The following FNBP1L variants were observed in gnomAD, a reference collection of about 807,000 sequenced individuals.
FNBP1L encodes formin binding protein 1 like.
A neutral mutation model predicts 91.2 loss-of-function variants in FNBP1L; 36 were observed. That is an observed-to-expected ratio of 0.39 (90% confidence interval 0.30 to 0.52). The LOEUF (loss-of-function observed/expected upper bound fraction) is 0.52, where lower values mean the gene tolerates loss of function less well. Among genes scored for constraint, FNBP1L ranks in the 20% least tolerant of loss-of-function variants. FNBP1L has a pLI of 0.66. For synonymous variants in FNBP1L, 242 were observed against 237.0 expected, an observed-to-expected ratio of 1.02 and a Z score of -0.19; for missense variants, 571 against 732.1, an observed-to-expected ratio of 0.78 and a Z score of 2.54.
At chr1:93,550,289 A>C (rs1312188469) in intron 15 of FNBP1L, among the ~76,000 whole-genome samples, 1 of 152,188 alleles carries the variant, frequency 6.6e-6, no homozygotes, top group African/African-American at 2.4e-5. Context: ...TTCGAATCCA[A>C]CCTGGGCAGT....
intron 2 of FNBP1L, among the ~76,000 whole-genome samples, chr1:93,509,776 G>C (rs1461779775): frequency 6.6e-6 from 1 of 152,198 alleles, no homozygotes; most frequent in Non-Finnish European, 1.5e-5. Flanking sequence ...AGCCCTGCTT[G>C]GGCGAGGCAT....
chr1:93,501,651 GT>G (rs534532056), intron 2 of FNBP1L, among the ~76,000 whole-genome samples: 264 of 152,170 alleles, frequency 1.7e-3, no homozygotes, highest in Middle Eastern at 3.4e-3. Context: ...TTCAACATGA[GT>G]TTTGGTTGGG....
intron 5 of FNBP1L, among the ~76,000 whole-genome samples, chr1:93,528,508 A>G (rs1671564915): frequency 6.6e-6 from 1 of 152,232 alleles, no homozygotes; most frequent in African/African-American, 2.4e-5. Context: ...ATTTTTAGCC[A>G]TGGAGATTCA....
chr1:93,509,983 T>A (rs559906589), intron 2 of FNBP1L, among the ~76,000 whole-genome samples: 1 of 152,320 alleles, frequency 6.6e-6, no homozygotes, highest in East Asian at 1.9e-4. Flanking sequence ...TCTTGCTGAT[T>A]GCTAGCACAG....
Position 93,521,075 on chromosome 1 carries a change from A to G in FNBP1L, c.141-1007A>G, listed in dbSNP as rs557526274. Among the ~76,000 whole-genome samples the G allele has an allele frequency of 2.4e-4, 36 of 151,902 alleles. 3 individuals carry two copies. The East Asian group carries it at 2.7e-3, about 11-fold the overall frequency. On this transcript the variant is annotated intron_variant, in intron 2 of 16. Coordinates refer to ENST00000271234, the MANE Select transcript of FNBP1L (RefSeq NM_001164473.3). The stretch of plus-strand genomic sequence containing the variant: ...AACCAACCAACCAACCAACCAACCA[A>G]CCAACCAACAAACCAGCCAACCAGG...
Position 93,534,802 on chromosome 1 carries a change from C to G in FNBP1L, c.884C>G (p.Ser295Cys), listed in dbSNP as rs1363319897. ...AGTCAACATATATATAGAACCATTT[C>G]TGATGGGACTATCAGTGCATCCAAA... Reference protein sequence around the residue: ...DYSQHIYRTISDGTISASKQE... With the variant: ...DYSQHIYRTICDGTISASKQE... Residue 295 changes from serine to cysteine, a missense_variant, in exon 9 of 17, where the codon TCT becomes TGT. By Grantham distance (112) the Ser-to-Cys change is moderately radical (BLOSUM62 -1). This residue lies in a region of FNBP1L where 150 missense variants were observed against 155.9 expected (regional missense o/e 0.96). Transcript: ENST00000271234. 6.4e-7 allele frequency: 1 copy of G among 1,572,388 alleles called. No individual in the cohort carries two copies. The highest frequency in any genetic ancestry group is 8.6e-7 in the Non-Finnish European group (1 of 1,157,218).
At chr1:93,452,314 G>C (rs376380262) in intron 1 of FNBP1L, among the ~76,000 whole-genome samples, 11 of 152,204 alleles carry the variant, frequency 7.2e-5, no homozygotes, top group African/African-American at 2.2e-4. Flanking sequence ...TTTGTAGATG[G>C]TGATAGGTTA....
intron 15 of FNBP1L, 81 bp downstream of exon 15, chr1:93,549,507 C>A: frequency 1.8e-6 from 2 of 1,092,290 alleles, no homozygotes; most frequent in Non-Finnish European, 1.3e-6. Context: ...CTGTAGTATC[C>A]TTATTTAAGT....
intron 1 of FNBP1L, among the ~76,000 whole-genome samples, chr1:93,475,253 T>A (rs1281438038): frequency 1.3e-5 from 2 of 151,996 alleles, no homozygotes; most frequent in African/African-American, 4.8e-5. Context: ...TAATAAAAAA[T>A]TTTATTATTT....
Position 93,536,384 on chromosome 1 carries a change from A to G in FNBP1L, c.1043A>G (p.Asn348Ser). The G allele has an allele frequency of 6.4e-7, 1 of 1,550,778 alleles. No individual in the cohort carries two copies. Among genetic ancestry groups the G allele is most frequent in the Non-Finnish European group, 8.7e-7 (1 of 1,146,338 alleles). Reference protein sequence around the residue: ...PTSLFTSSTPNGSQFLTFSIE... With the variant: ...PTSLFTSSTPSGSQFLTFSIE... ...AGTTTATTCACATCCAGTACTCCTA[A>G]TGGGTCCCAGTTTCTCACATTCTCC... The change falls in exon 10 of 17, where the codon AAT (asparagine) becomes AGT (serine). Residue 348 changes from asparagine (N) to serine (S), a missense_variant. By Grantham distance (46) the Asn-to-Ser change is conservative. This residue lies in a region of FNBP1L where 150 missense variants were observed against 155.9 expected (regional missense o/e 0.96). Coordinates refer to ENST00000271234, the MANE Select transcript of FNBP1L (RefSeq NM_001164473.3).
intron 1 of FNBP1L, among the ~76,000 whole-genome samples, chr1:93,458,601 C>T (rs1050908650): frequency 4.6e-5 from 7 of 152,144 alleles, no homozygotes; most frequent in African/African-American, 1.7e-4. Context: ...ACACAGGCAA[C>T]AAAAGCAAAA....
chr1:93,456,572 C>G (rs1181263323), intron 1 of FNBP1L, among the ~76,000 whole-genome samples: 1 of 141,486 alleles, frequency 7.1e-6, no homozygotes, highest in Non-Finnish European at 1.5e-5. Context: ...AGAAACCAGC[C>G]TGGGCAAGAT....
At chr1:93,476,741 A>G (rs1419625953) in intron 1 of FNBP1L, among the ~76,000 whole-genome samples, 4 of 152,076 alleles carry the variant, frequency 2.6e-5, no homozygotes, top group Non-Finnish European at 5.9e-5. Flanking sequence ...AGCATGTGCA[A>G]ATACTCTTAA....
intron 2 of FNBP1L, among the ~76,000 whole-genome samples, chr1:93,508,043 G>C (rs1169278814): frequency 6.6e-6 from 1 of 151,404 alleles, no homozygotes; most frequent in Non-Finnish European, 1.5e-5. Flanking sequence ...TGAGAAGTGA[G>C]TACTATTAAT....
At chr1:93,521,840 GT>G (rs1428578784) in intron 2 of FNBP1L, among the ~76,000 whole-genome samples, 1 of 152,072 alleles carries the variant, frequency 6.6e-6, no homozygotes, top group East Asian at 1.9e-4. Flanking sequence ...CAACCAAATT[GT>G]TGTGATTCCA....
At chr1:93,543,924 T>C in intron 11 of FNBP1L, 183 bp from the exon 12 acceptor site, 3 of 365,014 alleles carry the variant, frequency 8.2e-6, no homozygotes, top group Non-Finnish European at 1.0e-5. Flanking sequence ...GTACATTGTT[T>C]TCATTAACAT....
chr1:93,534,991 A>G, intron 9 of FNBP1L, 83 bp downstream of exon 9: 2 of 1,063,070 alleles, frequency 1.9e-6, no homozygotes, highest in East Asian at 2.6e-5. Context: ...AAAATGATTT[A>G]CCATTAATGG....
chr1:93,518,518 G>A (rs1671208159), intron 2 of FNBP1L, among the ~76,000 whole-genome samples: 3 of 152,310 alleles, frequency 2.0e-5, no homozygotes, highest in Middle Eastern at 3.4e-3. Flanking sequence ...GAAAGTGTAG[G>A]ATGATTGTCA....
chr1:93,499,876 T>C (rs1670388010), intron 2 of FNBP1L, among the ~76,000 whole-genome samples: 1 of 152,246 alleles, frequency 6.6e-6, no homozygotes, highest in African/African-American at 2.4e-5. Flanking sequence ...TTCTGTGTTT[T>C]ATACTTTTAT....
Sources: allele counts gnomAD v4.1 joint callset (sites outside exome capture counted in the v4.1 genomes callset), GRCh38; gene constraint gnomAD v4.1.1; regional missense constraint gnomAD v4.1.1; transcripts MANE v1.5; gene names NCBI Gene and HGNC (gene_info 2026-07-23, HGNC 2026-07-21).